The following RNF185 variants were observed in gnomAD, a reference collection of about 807,000 sequenced individuals.
RNF185 encodes E3 ubiquitin-protein ligase RNF185.
In RNF185, 13 loss-of-function variants were observed where a neutral mutation model predicts 24.9. That is an observed-to-expected ratio of 0.52 (90% CI 0.34 to 0.83). RNF185 has a LOEUF of 0.83. Ranked by LOEUF, RNF185 falls within the 40% of genes least tolerant of loss-of-function variation. The probability of loss-of-function intolerance (pLI) is 0.01; values close to 1 mark genes in which losing one functional copy is unlikely to be tolerated. For missense variants in RNF185, 184 were observed against 244.7 expected (o/e 0.75, Z 1.65); for synonymous variants, 79 against 90.3 (o/e 0.88, Z 0.71).
At chr22:31,179,196 T>A (rs1018055722) in intron 1 of RNF185, among the ~76,000 whole-genome samples, 4 of 152,188 alleles carry the variant, frequency 2.6e-5, no homozygotes, top group Non-Finnish European at 5.9e-5. Context: ...ATGAGAAATT[T>A]TAGCAGGATG....
chr22:31,185,191 G>T (rs1472350794), intron 1 of RNF185, among the ~76,000 whole-genome samples: 1 of 152,102 alleles, frequency 6.6e-6, no homozygotes, highest in Non-Finnish European at 1.5e-5. Context: ...CCAGCATCCA[G>T]CTACCCTTCT....
At chr22:31,187,359 C>A in intron 2 of RNF185, 89 bp downstream of exon 2, 3 of 1,412,446 alleles carry the variant, frequency 2.1e-6, no homozygotes, top group Non-Finnish European at 2.0e-6. Flanking sequence ...ATGCTTCCTG[C>A]TCACTTTGGG....
intron 1 of RNF185, among the ~76,000 whole-genome samples, chr22:31,163,885 G>T (rs1923742749): frequency 6.6e-6 from 1 of 151,890 alleles, no homozygotes; most frequent in Non-Finnish European, 1.5e-5. Flanking sequence ...TGTTGGCCAG[G>T]ATGGTCTCAA....
At chr22:31,192,158 G>A (rs2048162059) in intron 2 of RNF185, among the ~76,000 whole-genome samples, 1 of 152,130 alleles carries the variant, frequency 6.6e-6, no homozygotes, top group Admixed American at 6.5e-5. Context: ...CAAGGATGAG[G>A]ACAGCCTGAA....
chr22:31,177,553 A>G (rs1328745428), intron 1 of RNF185, among the ~76,000 whole-genome samples: 1 of 152,130 alleles, frequency 6.6e-6, no homozygotes, highest in East Asian at 1.9e-4. Flanking sequence ...CCAGCCTTCT[A>G]TGAGTGTGAT....
At chr22:31,166,558 T>TTTCTTC (rs3068173) in intron 1 of RNF185, among the ~76,000 whole-genome samples, 2,424 of 147,548 alleles carry the variant, frequency 0.016, 97 homozygotes, top group Admixed American at 0.095. Context: ...TCTATAAGCA[T>TTTCTTC]TTCTTCTTCT....
chr22:31,201,883 T>G (rs1316467415), intron 6 of RNF185, among the ~76,000 whole-genome samples: 1 of 152,144 alleles, frequency 6.6e-6, no homozygotes, highest in Non-Finnish European at 1.5e-5. Context: ...GGTGTGTGAT[T>G]AGCTGCGTTT....
At chr22:31,170,478 C>G (rs2047917992) in intron 1 of RNF185, among the ~76,000 whole-genome samples, 1 of 152,058 alleles carries the variant, frequency 6.6e-6, no homozygotes, top group Admixed American at 6.6e-5. Context: ...CATGAGCCAC[C>G]ACCTCTGGCC....
intron 1 of RNF185, among the ~76,000 whole-genome samples, chr22:31,182,766 C>T (rs2048051626): frequency 6.6e-6 from 1 of 152,126 alleles, no homozygotes; most frequent in East Asian, 1.9e-4. Context: ...CAATCCTGTC[C>T]ATGCTATTTA....
At chr22:31,196,459 G>A (rs1601374469) in intron 4 of RNF185, among the ~76,000 whole-genome samples, 2 of 152,142 alleles carry the variant, frequency 1.3e-5, no homozygotes, top group East Asian at 3.8e-4. Context: ...GATTTGAGGG[G>A]GTGAGACTCA....
intron 1 of RNF185, among the ~76,000 whole-genome samples, chr22:31,170,012 G>A (rs1924178272): frequency 1.3e-5 from 2 of 152,312 alleles, no homozygotes; most frequent in Admixed American, 1.3e-4. Flanking sequence ...CATTGAGCCA[G>A]ATTGTGTCTG....
chr22:31,200,218 A>G (rs2048247221), intron 5 of RNF185, among the ~76,000 whole-genome samples: 1 of 152,060 alleles, frequency 6.6e-6, no homozygotes, highest in Non-Finnish European at 1.5e-5. Context: ...TTAGCAAAGC[A>G]TGGAGGGGTA....
At chr22:31,176,078 A>G (rs2047979442) in intron 1 of RNF185, among the ~76,000 whole-genome samples, 1 of 151,840 alleles carries the variant, frequency 6.6e-6, no homozygotes, top group South Asian at 2.1e-4. Context: ...TCTCCTGAGT[A>G]TTAACAGAGT....
rs1233938410 is a variant in RNF185 at position 31,205,095 on chromosome 22, C to T, written c.*509C>T. 5.7e-6 allele frequency: 1 copy of T among 175,556 alleles called. No individual in the cohort carries two copies. 10.9% of individuals were successfully genotyped at this position (175,556 alleles called of 1,614,324 possible). On this transcript the variant is annotated 3_prime_UTR_variant, in exon 7 of 7. Transcript: ENST00000326132. Reference sequence around the variant, plus strand: ...CCGCTCTGTTCTCTTTCCTTCCCCTCCCACTCCCCCTCTTCTTCCTCTGTA... The same window carrying T: ...CCGCTCTGTTCTCTTTCCTTCCCCTTCCACTCCCCCTCTTCTTCCTCTGTA...
chr22:31,166,379 T>C (rs1395357062), intron 1 of RNF185, among the ~76,000 whole-genome samples: 1 of 152,134 alleles, frequency 6.6e-6, no homozygotes, highest in Non-Finnish European at 1.5e-5. Context: ...CTAGAGAACC[T>C]TTGTTGCAGT....
chr22:31,182,016 A>G (rs1351901666), intron 1 of RNF185, among the ~76,000 whole-genome samples: 2 of 151,210 alleles, frequency 1.3e-5, no homozygotes, highest in Admixed American at 6.6e-5. Flanking sequence ...AAATATATAT[A>G]TATTTAAAAA....
intron 1 of RNF185, among the ~76,000 whole-genome samples, chr22:31,186,296 A>G (rs563198877): frequency 6.6e-6 from 1 of 152,188 alleles, no homozygotes; most frequent in East Asian, 1.9e-4. Flanking sequence ...TAGTTACAGG[A>G]ATTTCTTAAT....
Position 31,201,631 on chromosome 22 carries a change from CT to C in RNF185, c.481+18del. The C allele has an allele frequency of 6.4e-7, 1 of 1,554,050 alleles. No individual in the cohort carries two copies. The highest frequency in any genetic ancestry group is 8.9e-7 in the Non-Finnish European group (1 of 1,126,036). Reference sequence around the variant, plus strand: ...CCTCCTCCAGGTAAGACCCTATTTCCTTGAGAAATTAGGAAGATATCTTAGT... The same window carrying C: ...CCTCCTCCAGGTAAGACCCTATTTCCTGAGAAATTAGGAAGATATCTTAGT... On this transcript the variant is annotated intron_variant, in intron 6 of 6. Transcript: ENST00000326132.
intron 1 of RNF185, among the ~76,000 whole-genome samples, chr22:31,177,455 G>A (rs2047994182): frequency 6.6e-6 from 1 of 152,056 alleles, no homozygotes. Context: ...GCTAGCCTAG[G>A]AACCTAAACA....
Sources: gnomAD v4.1 joint callset for allele counts (sites outside exome capture counted in the v4.1 genomes callset) on GRCh38, gnomAD v4.1.1 for gene constraint, MANE v1.5 for transcripts, NCBI Gene and HGNC (gene_info 2026-07-23, HGNC 2026-07-21) for gene names.